CCDC54: variants seen among roughly 807,000 people sequenced by gnomAD.
CCDC54 encodes coiled-coil domain containing 54.
Under a neutral mutation model 2.9 loss-of-function variants are expected in CCDC54, and 2 were observed. The observed-to-expected ratio is 0.69, with a 90% CI of 0.28 to 2.16. CCDC54 has a LOEUF of 2.16. CCDC54 is among the 30% of genes most tolerant of loss of function. The probability of loss-of-function intolerance (pLI) is 0.13; values close to 1 mark genes in which losing one functional copy is unlikely to be tolerated. For synonymous variants in CCDC54, 128 were observed against 129.6 expected (o/e 0.99, Z 0.08); for missense variants, 368 against 378.1 (o/e 0.97, Z 0.22).
At position 107,377,738 on chromosome 3, in the gene CCDC54, G is replaced by C. The variant is rs1038056152; in HGVS notation, c.151G>C (p.Asp51His). Reference protein sequence around the residue: ...DSTGYPTVTSDDCNQDDDSYD... With the variant: ...DSTGYPTVTSHDCNQDDDSYD... ...AACTGGATATCCCACTGTGACATCT[G>C]ATGATTGTAATCAAGATGATGATAG... Residue 51 changes from aspartate to histidine, a missense_variant, in exon 1 of 1, where the codon GAT becomes CAT. By Grantham distance (81) the Asp-to-His change is moderately conservative (BLOSUM62 -1). Coordinates refer to ENST00000261058, the MANE Select transcript of CCDC54 (RefSeq NM_032600.3). 12 of 1,614,124 alleles carry C rather than the reference G, an allele frequency of 7.4e-6. No homozygotes were observed. Among genetic ancestry groups the C allele is most frequent in the Non-Finnish European group, 1.0e-5 (12 of 1,179,994 alleles).
chr3:107,378,546 C>T lies in CCDC54; in HGVS notation c.959C>T (p.Ser320Phe). Residue 320 changes from serine (S) to phenylalanine (F), a missense_variant, in exon 1 of 1, where the codon TCC becomes TTC. Physicochemically the swap from Ser to Phe is radical, Grantham distance 155. Transcript: ENST00000261058. ...AACAATATTTACGGCTTTATTTGTT[C>T]CTTAAAAGAAGAAGTAACTCGACTA... ...IFNNIYGFICSLKEEVTRL is the reference protein window; with the variant it reads ...IFNNIYGFICFLKEEVTRL 4 of 1,613,446 alleles carry T rather than the reference C, an allele frequency of 2.5e-6. No individual in the cohort carries two copies. Among genetic ancestry groups the T allele is most frequent in the Non-Finnish European group, 3.4e-6 (4 of 1,179,846 alleles).
Position 107,377,938 on chromosome 3 carries a change from C to T in CCDC54, c.351C>T (p.Asp117=). 1 of 1,614,084 alleles carries T rather than the reference C, an allele frequency of 6.2e-7. No homozygotes were observed. Among genetic ancestry groups the T allele is most frequent in the East Asian group, 2.2e-5 (1 of 44,864 alleles). The change falls in exon 1 of 1, where the codon GAC becomes GAT. Residue 117 remains aspartate (D), a synonymous_variant. Transcript: ENST00000261058. ...VLETRMNVNE[D]KQCTTTKDIL... ...AAACCAGAATGAATGTTAATGAAGA[C>T]AAACAATGCACAACGACTAAAGATA...
In CCDC54 at chr3:107,377,748, A is replaced by G; in HGVS notation, c.161A>G (p.Asn54Ser). 1 of 1,614,168 alleles carries G rather than the reference A, an allele frequency of 6.2e-7. No homozygotes were observed. The highest frequency in any genetic ancestry group is 8.5e-7 in the Non-Finnish European group (1 of 1,179,998). The change falls in exon 1 of 1, where the codon AAT becomes AGT. Residue 54 changes from asparagine to serine, a missense_variant. Transcript: ENST00000261058. ...GYPTVTSDDC[N>S]QDDDSYDGKM... ...CCCACTGTGACATCTGATGATTGTA[A>G]TCAAGATGATGATAGTTATGACGGA... is the stretch of plus-strand genomic sequence containing the variant.
In CCDC54 at chr3:107,377,477, T is replaced by C; in HGVS notation, c.-111T>C. 2 of 1,092,464 alleles carry C rather than the reference T, an allele frequency of 1.8e-6. No homozygotes were observed. Among genetic ancestry groups the C allele is most frequent in the Non-Finnish European group, 2.6e-6 (2 of 756,880 alleles). The allele number at this position is 1,092,464 out of a possible 1,614,324, so 67.7% of individuals were successfully genotyped here. On this transcript the variant is annotated 5_prime_UTR_variant, in exon 1 of 1. Transcript: ENST00000261058. ...ATGATTTCCAGAGTGTTCTAAGATG[T>C]TATCAGGAAAGGCATCCAACAAATA... is the stretch of plus-strand genomic sequence containing the variant.
the CCDC54 span, chr3:107,378,402 TC>T: frequency 1.9e-6 from 3 of 1,614,186 alleles, no homozygotes; most frequent in Non-Finnish European, 2.5e-6. Flanking sequence ...GAAGAATTCA[TC>T]CAGTGGCTTC....
chr3:107,378,562 A>T lies in CCDC54; in HGVS notation c.975A>T (p.Val325=), dbSNP rs748683794. 6.2e-7 allele frequency: 1 copy of T among 1,613,212 alleles called. No individual in the cohort carries two copies. The highest frequency in any genetic ancestry group is 1.7e-5 in the Admixed American group (1 of 59,880). Residue 325 remains valine (V), a synonymous_variant, in exon 1 of 1, where the codon GTA becomes GTT. Transcript: ENST00000261058. The stretch of plus-strand genomic sequence containing the variant: ...TTATTTGTTCCTTAAAAGAAGAAGT[A>T]ACTCGACTATAGAGTTATGTTCTGC... The part of the protein sequence containing the change: ...YGFICSLKEE[V]TRL
Position 107,377,960 on chromosome 3 carries a change from G to T in CCDC54, c.373G>T (p.Asp125Tyr). The change falls in exon 1 of 1, where the codon GAT (aspartate) becomes TAT (tyrosine). Residue 125 changes from aspartate (D) to tyrosine (Y), a missense_variant. Physicochemically the swap from Asp to Tyr is radical, Grantham distance 160. Coordinates refer to ENST00000261058, the MANE Select transcript of CCDC54 (RefSeq NM_032600.3). Reference sequence around the variant, plus strand: ...AGACAAACAATGCACAACGACTAAAGATATCCTCTCTATGAAAGAAGACAT... The same window carrying T: ...AGACAAACAATGCACAACGACTAAATATATCCTCTCTATGAAAGAAGACAT... ...NEDKQCTTTK[D>Y]ILSMKEDIKA... 6.2e-7 allele frequency: 1 copy of T among 1,614,120 alleles called. No homozygotes were observed. Among genetic ancestry groups the T allele is most frequent in the Non-Finnish European group, 8.5e-7 (1 of 1,180,020 alleles).
chr3:107,377,947 CACA>C lies in CCDC54; in HGVS notation c.363_365del (p.Thr123del), dbSNP rs1473793641. On this transcript the variant is annotated inframe_deletion, in exon 1 of 1. Transcript: ENST00000261058. ...TGAATGTTAATGAAGACAAACAATG[CACA>C]ACGACTAAAGATATCCTCTCTATGA... The C allele has an allele frequency of 3.7e-6, 6 of 1,614,086 alleles. No homozygotes were observed. In the African/African-American group the frequency reaches 6.7e-5, roughly 18 times the overall value.
Position 107,377,473 on chromosome 3 carries a change from G to A in CCDC54, c.-115G>A. On this transcript the variant is annotated 5_prime_UTR_variant, in exon 1 of 1. Transcript: ENST00000261058. ...GCTGATGATTTCCAGAGTGTTCTAA[G>A]ATGTTATCAGGAAAGGCATCCAACA... 9.5e-7 allele frequency: 1 copy of A among 1,053,274 alleles called. No individual in the cohort carries two copies. Among genetic ancestry groups the A allele is most frequent in the African/African-American group, 1.6e-5 (1 of 62,742 alleles). The allele number at this position is 1,053,274 out of a possible 1,614,324, so 65.2% of individuals were successfully genotyped here. A position where few individuals can be genotyped will look rare whatever the true frequency, so the allele number is the denominator to read the frequency against.
Position 107,378,175 on chromosome 3 carries a change from G to A in CCDC54, c.588G>A (p.Glu196=), listed in dbSNP as rs1279535791. ...TGGAAATCTCTTCAGCAGAACCAGA[G>A]AAAGTGCCCAGTTATCCAAAGTCCA... ...TDMEISSAEP[E]KVPSYPKSTD... The change falls in exon 1 of 1, where the codon GAG becomes GAA. Residue 196 remains glutamate (E), a synonymous_variant. Transcript: ENST00000261058. The A allele has an allele frequency of 6.2e-7, 1 of 1,614,032 alleles. No homozygotes were observed. Among genetic ancestry groups the A allele is most frequent in the African/African-American group, 1.3e-5 (1 of 74,906 alleles).
At position 107,378,282 on chromosome 3, in the gene CCDC54, T is replaced by C. The variant is rs755056342; in HGVS notation, c.695T>C (p.Phe232Ser). 6.2e-7 allele frequency: 1 copy of C among 1,614,064 alleles called. No individual in the cohort carries two copies. The highest frequency in any genetic ancestry group is 1.7e-5 in the Admixed American group (1 of 59,986). Residue 232 changes from phenylalanine to serine, a missense_variant, in exon 1 of 1, where the codon TTT (phenylalanine) becomes TCT (serine). Physicochemically the swap from Phe to Ser is radical, Grantham distance 155. Transcript: ENST00000261058. Reference sequence around the variant, plus strand: ...AACCATCAAAATGCATCAAGGAGCTTTGAAAAAGCAAAGCCAAATATTTAC... The same window carrying C: ...AACCATCAAAATGCATCAAGGAGCTCTGAAAAAGCAAAGCCAAATATTTAC... Reference protein sequence around the residue: ...KRNHQNASRSFEKAKPNIYIY... With the variant: ...KRNHQNASRSSEKAKPNIYIY...
Position 107,377,444 on chromosome 3 carries a change from T to C in CCDC54, c.-144T>C. 1.3e-6 allele frequency: 1 copy of C among 792,674 alleles called. No homozygotes were observed. Among genetic ancestry groups the C allele is most frequent in the Non-Finnish European group, 2.0e-6 (1 of 501,924 alleles). 49.1% of individuals were successfully genotyped at this position (792,674 alleles called of 1,614,324 possible). A position where few individuals can be genotyped will look rare whatever the true frequency, so the allele number is the denominator to read the frequency against. On this transcript the variant is annotated 5_prime_UTR_variant, in exon 1 of 1. Transcript: ENST00000261058. ...CTAATCACCTAACAGTGTCTATTGC[T>C]GTGGCTGATGATTTCCAGAGTGTTC...
At position 107,378,315 on chromosome 3, in the gene CCDC54, C is replaced by G. The variant is rs1228424750; in HGVS notation, c.728C>G (p.Pro243Arg). 7 of 1,614,088 alleles carry G rather than the reference C, an allele frequency of 4.3e-6. No individual in the cohort carries two copies. The highest frequency in any genetic ancestry group is 5.9e-6 in the Non-Finnish European group (7 of 1,180,038). The stretch of plus-strand genomic sequence containing the variant: ...GCAAAGCCAAATATTTACATTTACC[C>G]AGACTTCAGTACATGGATCAAGCTA... Reference protein sequence around the residue: ...EKAKPNIYIYPDFSTWIKLTF... With the variant: ...EKAKPNIYIYRDFSTWIKLTF... Residue 243 changes from proline (P) to arginine (R), a missense_variant, in exon 1 of 1, where the codon CCA becomes CGA. Pro to Arg is a moderately radical substitution (Grantham distance 103). Coordinates refer to ENST00000261058, the MANE Select transcript of CCDC54 (RefSeq NM_032600.3).
chr3:107,377,541 C>T lies in CCDC54; in HGVS notation c.-47C>T. 6.5e-7 allele frequency: 1 copy of T among 1,538,118 alleles called. No individual in the cohort carries two copies. The highest frequency in any genetic ancestry group is 2.3e-5 in the East Asian group (1 of 44,346). On this transcript the variant is annotated 5_prime_UTR_variant, in exon 1 of 1. Coordinates refer to ENST00000261058, the MANE Select transcript of CCDC54 (RefSeq NM_032600.3). The stretch of plus-strand genomic sequence containing the variant: ...CATTTCATTTGTACATTATTTCTTC[C>T]TGTGATTCTGTTTTCCAACACCTTG...
Position 107,378,562 on chromosome 3 carries a change from A to C in CCDC54, c.975A>C (p.Val325=), listed in dbSNP as rs748683794. 1.9e-6 allele frequency: 3 copies of C among 1,613,094 alleles called. No individual in the cohort carries two copies. Among genetic ancestry groups the C allele is most frequent in the Non-Finnish European group, 2.5e-6 (3 of 1,179,710 alleles). ...TTATTTGTTCCTTAAAAGAAGAAGT[A>C]ACTCGACTATAGAGTTATGTTCTGC... ...YGFICSLKEE[V]TRL Residue 325 remains valine, a synonymous_variant, in exon 1 of 1, where the codon GTA becomes GTC. Transcript: ENST00000261058.
At position 107,377,724 on chromosome 3, in the gene CCDC54, C is replaced by A; in HGVS notation, c.137C>A (p.Pro46His). ...CGGCACCAAGATTCAACTGGATATC[C>A]CACTGTGACATCTGATGATTGTAAT... ...KIRHQDSTGY[P>H]TVTSDDCNQD... Residue 46 changes from proline (P) to histidine (H), a missense_variant, in exon 1 of 1, where the codon CCC becomes CAC. Physicochemically the swap from Pro to His is moderately conservative, Grantham distance 77. Transcript: ENST00000261058. 2.5e-6 allele frequency: 4 copies of A among 1,614,052 alleles called. No individual in the cohort carries two copies. Among genetic ancestry groups the A allele is most frequent in the Non-Finnish European group, 3.4e-6 (4 of 1,179,982 alleles).
At chr3:107,378,408 G>A in the CCDC54 span, 4 of 1,614,184 alleles carry the variant, frequency 2.5e-6, no homozygotes, top group Non-Finnish European at 3.4e-6. Context: ...TTCATCCAGT[G>A]GCTTCTTTCT....
Position 107,378,301 on chromosome 3 carries a change from T to A in CCDC54, c.714T>A (p.Asn238Lys), listed in dbSNP as rs373800511. ...ASRSFEKAKP[N>K]IYIYPDFSTW... ...GGAGCTTTGAAAAAGCAAAGCCAAA[T>A]ATTTACATTTACCCAGACTTCAGTA... Residue 238 changes from asparagine to lysine, a missense_variant, in exon 1 of 1, where the codon AAT (asparagine) becomes AAA (lysine). Coordinates refer to ENST00000261058, the MANE Select transcript of CCDC54 (RefSeq NM_032600.3). The A allele has an allele frequency of 1.2e-6, 2 of 1,614,178 alleles. No homozygotes were observed. The highest frequency in any genetic ancestry group is 2.7e-5 in the African/African-American group (2 of 75,046).
Position 107,378,584 on chromosome 3 carries a change from C to T in CCDC54, c.*10C>T, listed in dbSNP as rs771757775. On this transcript the variant is annotated 3_prime_UTR_variant, in exon 1 of 1. Transcript: ENST00000261058. ...AGTAACTCGACTATAGAGTTATGTT[C>T]TGCTTTGCTTGGCACAAAATAAATG... 29 of 1,602,300 alleles carry T rather than the reference C, an allele frequency of 1.8e-5. No individual in the cohort carries two copies. The highest frequency in any genetic ancestry group is 2.7e-5 in the African/African-American group (2 of 74,318).
Sources: allele counts gnomAD v4.1 joint callset, GRCh38; gene constraint gnomAD v4.1.1; transcripts MANE v1.5; gene names NCBI Gene and HGNC (gene_info 2026-07-23, HGNC 2026-07-21).